The following KRT17 variants were observed in gnomAD, a reference collection of about 807,000 sequenced individuals.
KRT17 encodes keratin, type I cytoskeletal 17.
KRT17 carries 29 observed loss-of-function variants against 45.6 expected under a neutral mutation model. The observed-to-expected ratio is 0.64, with a 90% CI of 0.47 to 0.87. The LOEUF (loss-of-function observed/expected upper bound fraction) is 0.87. Ranked by LOEUF, KRT17 falls within the 40% of genes least tolerant of loss-of-function variation. The pLI is 0.00. For missense variants in KRT17, 536 were observed against 577.8 expected, an observed-to-expected ratio of 0.93 and a Z score of 0.74; for synonymous variants, 219 against 234.6, an observed-to-expected ratio of 0.93 and a Z score of 0.61.
chr17:41,621,146 A>G (rs577915541), intron 4 of KRT17, 55 bp from the exon 5 acceptor site: 1 of 1,609,632 alleles, frequency 6.2e-7, no homozygotes, highest in Non-Finnish European at 8.5e-7. Context: ...CTCCCAAGTC[A>G]GGCCTCCTCC....
chr17:41,623,680 G>A (rs1264547253), intron 1 of KRT17, among the ~76,000 whole-genome samples: 3 of 150,360 alleles, frequency 2.0e-5, no homozygotes, highest in Admixed American at 6.6e-5. Flanking sequence ...AGCTCACTCA[G>A]ACACCCCCAC....
rs780944837 is a variant in KRT17, at chr17:41,619,681, G to A, written c.1212C>T (p.Thr404=). 1 of 1,612,188 alleles carries A rather than the reference G, an allele frequency of 6.2e-7. No individual in the cohort carries two copies. The highest frequency in any genetic ancestry group is 1.1e-5 in the South Asian group (1 of 90,996). ...HLTQYKKEPV[T]TRQVRTIVEE... ...CCACAATGGTACGCACCTGACGGGT[G>A]GTCACCGCTGCAGGAGAAGCAGGCA... Residue 404 remains threonine, a synonymous_variant, in exon 8 of 8, where the codon ACC becomes ACT. Transcript: ENST00000311208.
intron 4 of KRT17, 149 bp downstream of exon 4, chr17:41,621,444 T>C (rs1908538671): frequency 8.6e-6 from 6 of 696,392 alleles, no homozygotes; most frequent in Non-Finnish European, 1.4e-5. Context: ...CTCAGCTCCA[T>C]GTCTGTTGAT....
chr17:41,621,823 CCACAAGGGGA>C, intron 3 of KRT17, 69 bp from the exon 4 acceptor site: 2 of 1,589,568 alleles, frequency 1.3e-6, no homozygotes, highest in Non-Finnish European at 1.7e-6. Context: ...AAGCCTTCCC[CCACAAGGGGA>C]CCCCACTTCC....
At chr17:41,623,707 C>A (rs1037032243) in intron 1 of KRT17, among the ~76,000 whole-genome samples, 15 of 151,582 alleles carry the variant, frequency 9.9e-5, no homozygotes, top group Non-Finnish European at 2.1e-4. Context: ...TCACCCAAAA[C>A]CCCCTCCTGT....
rs375058095 is a variant in KRT17 at position 41,619,591 on chromosome 17, T to A, written c.*3A>T. On this transcript the variant is annotated 3_prime_UTR_variant, in exon 8 of 8. Coordinates refer to ENST00000311208, the MANE Select transcript of KRT17 (RefSeq NM_000422.3). ...TGGGTGGCCGGCCGGGGTAGCTGAG[T>A]CCTCAGCGGGTGGTCTGGTGGACCT... is the stretch of plus-strand genomic sequence containing the variant. 3 of 1,611,912 alleles carry A rather than the reference T, an allele frequency of 1.9e-6. No homozygotes were observed. The highest frequency in any genetic ancestry group is 2.2e-5 in the South Asian group (2 of 91,000).
chr17:41,621,677 G>A lies in KRT17; in HGVS notation c.750C>T (p.Ser250=). The A allele has an allele frequency of 4.3e-6, 7 of 1,612,250 alleles. No homozygotes were observed. The highest frequency in any genetic ancestry group is 5.9e-6 in the Non-Finnish European group (7 of 1,179,852). Residue 250 remains serine (S), a synonymous_variant, in exon 4 of 8, where the codon AGC becomes AGT. Coordinates refer to ENST00000311208, the MANE Select transcript of KRT17 (RefSeq NM_000422.3). ...EMDAAPGVDL[S]RILNEMRDQY... The stretch of plus-strand genomic sequence containing the variant: ...GGTCACGCATCTCGTTGAGGATGCG[G>A]CTCAGGTCCACGCCTGGGGCAGCGT...
Position 41,623,264 on chromosome 17 carries a change from AAGG to A in KRT17, c.433-235_433-233del, listed in dbSNP as rs1908608762. 3 of 502,602 alleles carry A rather than the reference AAGG, an allele frequency of 6.0e-6. No individual in the cohort carries two copies. The Admixed American group carries it at 9.7e-5, about 16-fold the overall frequency. 31.1% of individuals were successfully genotyped at this position (502,602 alleles called of 1,614,324 possible). A position where few individuals can be genotyped will look rare whatever the true frequency, so the allele number is the denominator to read the frequency against. ...GACCCCCATGGCAGGCTCGGCCTTA[AAGG>A]AGAAGAGACAGCTGGCTGGGAGTAT... is the stretch of plus-strand genomic sequence containing the variant. On this transcript the variant is annotated intron_variant, in intron 1 of 7. Coordinates refer to ENST00000311208, the MANE Select transcript of KRT17 (RefSeq NM_000422.3).
At chr17:41,620,396 A>G in intron 7 of KRT17, 140 bp downstream of exon 7, 1 of 1,589,690 alleles carries the variant, frequency 6.3e-7, no homozygotes, top group Non-Finnish European at 8.5e-7. Context: ...ATCAATCCTC[A>G]GTGCTAATGA....
At chr17:41,621,189 A>G (rs1273485441) in intron 4 of KRT17, 98 bp from the exon 5 acceptor site, 1 of 1,466,188 alleles carries the variant, frequency 6.8e-7, no homozygotes, top group Non-Finnish European at 9.5e-7. Flanking sequence ...GTGCCTTCTC[A>G]CCAGCTTCCC....
Position 41,624,349 on chromosome 17 carries a change from C to T in KRT17, c.161G>A (p.Gly54Asp). The change falls in exon 1 of 8, where the codon GGT becomes GAT. Residue 54 changes from glycine to aspartate, a missense_variant. Gly to Asp is a moderately conservative substitution (Grantham distance 94). Coordinates refer to ENST00000311208, the MANE Select transcript of KRT17 (RefSeq NM_000422.3). The stretch of plus-strand genomic sequence containing the variant: ...GCTGTAGCAGCTGGAGTAGCTGCTA[C>T]CCCCGAGGGTGCTGCCCAGGCCGCC... ...SAGGLGSTLGGSSYSSCYSFG... is the reference protein window; with the variant it reads ...SAGGLGSTLGDSSYSSCYSFG... 4 of 1,611,554 alleles carry T rather than the reference C, an allele frequency of 2.5e-6. No homozygotes were observed. The highest frequency in any genetic ancestry group is 3.4e-6 in the Non-Finnish European group (4 of 1,179,816).
intron 1 of KRT17, 54 bp from the exon 2 acceptor site, chr17:41,623,086 C>G: frequency 7.4e-7 from 1 of 1,349,652 alleles, no homozygotes; most frequent in Non-Finnish European, 1.1e-6. Flanking sequence ...TGAGCCCACA[C>G]CAGGGTTCTG....
In KRT17 at chr17:41,621,025, A is replaced by G; in HGVS notation, c.901T>C (p.Ser301Pro). ...GCCTGCATGGTGCGCCGGAGCTCCG[A>G]GATCTCACTCTTGCCACTCTGCACC... Reference protein sequence around the residue: ...ELVQSGKSEISELRRTMQALE... With the variant: ...ELVQSGKSEIPELRRTMQALE... Residue 301 changes from serine (S) to proline (P), a missense_variant, in exon 5 of 8, where the codon TCG becomes CCG. Coordinates refer to ENST00000311208, the MANE Select transcript of KRT17 (RefSeq NM_000422.3). 1 of 1,613,774 alleles carries G rather than the reference A, an allele frequency of 6.2e-7. No homozygotes were observed. Among genetic ancestry groups the G allele is most frequent in the Non-Finnish European group, 8.5e-7 (1 of 1,179,898 alleles).
At chr17:41,623,168 G>A (rs1482227756) in intron 1 of KRT17, 136 bp from the exon 2 acceptor site, 7 of 711,968 alleles carry the variant, frequency 9.8e-6, no homozygotes, top group African/African-American at 8.7e-5. Flanking sequence ...ATTATTGGCA[G>A]AGGAGGGGCA....
chr17:41,619,757 T>C (rs1908476243), intron 7 of KRT17, 69 bp from the exon 8 acceptor site: 1 of 1,609,830 alleles, frequency 6.2e-7, no homozygotes, highest in African/African-American at 1.3e-5. Context: ...CTAGCCCTCA[T>C]GGACAGGAGC....
At position 41,619,469 on chromosome 17, in the gene KRT17, T is replaced by G. The variant is rs771550431; in HGVS notation, c.*125A>C. ...GCTGAGTCAACAAGCTTTATTGTCA[T>G]CAGGCAAGGAAGCATGGGGAAGGGA... On this transcript the variant is annotated 3_prime_UTR_variant, in exon 8 of 8. Transcript: ENST00000311208. The G allele has an allele frequency of 1.4e-5, 22 of 1,543,612 alleles. No individual in the cohort carries two copies. Among genetic ancestry groups the G allele is most frequent in the Non-Finnish European group, 2.0e-5 (22 of 1,127,830 alleles).
intron 7 of KRT17, chr17:41,620,013 A>G (rs114634337): frequency 4.1e-6 from 4 of 985,238 alleles, no homozygotes; most frequent in South Asian, 4.7e-5. Flanking sequence ...TCTCTAGGAC[A>G]TAGATTTTCT....
rs745414970 is a variant in KRT17, at chr17:41,620,859, G to A, written c.981C>T (p.Asn327=). The A allele has an allele frequency of 6.2e-7, 1 of 1,613,954 alleles. No individual in the cohort carries two copies. Among genetic ancestry groups the A allele is most frequent in the South Asian group, 1.1e-5 (1 of 91,080 alleles). Residue 327 remains asparagine (N), a synonymous_variant, in exon 6 of 8, where the codon AAC becomes AAT. Coordinates refer to ENST00000311208, the MANE Select transcript of KRT17 (RefSeq NM_000422.3). The part of the protein sequence containing the change: ...QLSMKASLEG[N]LAETENRYCV... ...AGTAGCGGTTCTCTGTCTCCGCCAGGTTGCCCTCCAGGGATGCTTTCTGCA... is the reference window on the plus strand; with the variant it reads ...AGTAGCGGTTCTCTGTCTCCGCCAGATTGCCCTCCAGGGATGCTTTCTGCA...
rs374327168 is a variant in KRT17 at position 41,624,125 on chromosome 17, G to C, written c.385C>G (p.Arg129Gly). 5 of 1,612,108 alleles carry C rather than the reference G, an allele frequency of 3.1e-6. No individual in the cohort carries two copies. In the South Asian group the frequency reaches 3.3e-5, roughly 11 times the overall value. Residue 129 changes from arginine to glycine, a missense_variant, in exon 1 of 8, where the codon CGT (arginine) becomes GGT (glycine). By Grantham distance (125) the Arg-to-Gly change is moderately radical. Transcript: ENST00000311208. ...WYQRQAPGPA[R>G]DYSQYYRTIE... ...GTCCTGTAGTACTGGCTGTAGTCAC[G>C]GGCGGGCCCCGGGGCCTGCCTCTGG... is the stretch of plus-strand genomic sequence containing the variant.
Sources: gnomAD v4.1 joint callset for allele counts (sites outside exome capture counted in the v4.1 genomes callset) on GRCh38, gnomAD v4.1.1 for gene constraint, MANE v1.5 for transcripts, NCBI Gene and HGNC (gene_info 2026-07-23, HGNC 2026-07-21) for gene names.